The following SYNJ1 variants were observed in gnomAD, a reference collection of about 807,000 sequenced individuals.
SYNJ1 encodes the protein synaptojanin 1.
SYNJ1 carries 78 observed loss-of-function variants against 168.2 expected under a neutral mutation model. The observed-to-expected ratio is 0.46, with a 90% CI of 0.39 to 0.56. The LOEUF (loss-of-function observed/expected upper bound fraction) is 0.56, where lower values mean the gene tolerates loss of function less well. Ranked by LOEUF, SYNJ1 falls within the 20% of genes least tolerant of loss-of-function variation. The probability of loss-of-function intolerance (pLI) is 0.00; values close to 1 mark genes in which losing one functional copy is unlikely to be tolerated. For synonymous variants in SYNJ1, 539 were observed against 548.6 expected, an observed-to-expected ratio of 0.98 and a Z score of 0.24; for missense variants, 1,303 against 1,597.6, an observed-to-expected ratio of 0.82 and a Z score of 3.14.
In SYNJ1 at chr21:32,684,061, C is replaced by G; in HGVS notation, c.1177G>C (p.Val393Leu). ...CLDCLDRTNS[V>L]QAFLGLEMLA... is the part of the protein sequence containing the mutation. ...ACCTCTAAGCCAAGAAATGCCTGCA[C>G]ACTATTTGTTCTATCAAGACAATCC... is the stretch of plus-strand genomic sequence containing the variant. Residue 393 changes from valine to leucine, a missense_variant, in exon 10 of 33, where the codon GTG (valine) becomes CTG (leucine). Physicochemically the swap from Val to Leu is conservative, Grantham distance 32. This residue lies in a region of SYNJ1 where 920 missense variants were observed against 1,208.8 expected (regional missense o/e 0.76). Transcript: ENST00000674351. The G allele has an allele frequency of 6.2e-7, 1 of 1,613,582 alleles. No homozygotes were observed.
At chr21:32,669,532 T>G (rs1428028617) in intron 15 of SYNJ1, among the ~76,000 whole-genome samples, 1 of 152,162 alleles carries the variant, frequency 6.6e-6, no homozygotes, top group Non-Finnish European at 1.5e-5. Context: ...GACCAATACA[T>G]GATGTTACAA....
intron 3 of SYNJ1, among the ~76,000 whole-genome samples, chr21:32,701,409 CCTTAT>C (rs1019782322): frequency 9.9e-5 from 15 of 152,062 alleles, no homozygotes; most frequent in African/African-American, 3.6e-4. Flanking sequence ...AGTGCAAGCT[CCTTAT>C]CTTATCACGG....
intron 23 of SYNJ1, 90 bp downstream of exon 23, chr21:32,650,094 G>A (rs2040220655): frequency 2.1e-6 from 3 of 1,455,472 alleles, no homozygotes; most frequent in Non-Finnish European, 2.8e-6. Context: ...CCAAGAAGAA[G>A]AAGAAAGATG....
intron 2 of SYNJ1, among the ~76,000 whole-genome samples, chr21:32,717,567 C>T (rs2043069864): frequency 1.3e-5 from 2 of 152,176 alleles, no homozygotes; most frequent in Non-Finnish European, 2.9e-5. Flanking sequence ...TGCCCCTTTA[C>T]TGAAGCAGTA....
chr21:32,701,848 T>C (rs1897642331), intron 3 of SYNJ1, 113 bp downstream of exon 3: 6 of 712,020 alleles, frequency 8.4e-6, no homozygotes, highest in Non-Finnish European at 1.3e-5. Context: ...TGTTAGCACA[T>C]GTGTAGCTTA....
chr21:32,676,093 T>C (rs1371072456), intron 13 of SYNJ1, among the ~76,000 whole-genome samples: 6 of 152,222 alleles, frequency 3.9e-5, no homozygotes, highest in African/African-American at 9.6e-5. Flanking sequence ...TAACTGGAAT[T>C]AAGCAATTGC....
chr21:32,647,695 T>C (rs969651548), intron 23 of SYNJ1, among the ~76,000 whole-genome samples: 9 of 152,198 alleles, frequency 5.9e-5, no homozygotes, highest in Non-Finnish European at 1.3e-4. Context: ...TCTTCTTCCA[T>C]TGCACGTGCT....
chr21:32,679,456 G>A (rs998726586), intron 11 of SYNJ1, among the ~76,000 whole-genome samples: 3 of 152,078 alleles, frequency 2.0e-5, no homozygotes, highest in Non-Finnish European at 4.4e-5. Flanking sequence ...TTCCTATAGT[G>A]AGATTTGATT....
At chr21:32,727,882 C>A in intron 1 of SYNJ1, 64 bp downstream of exon 1, 1 of 1,526,466 alleles carries the variant, frequency 6.6e-7, no homozygotes, top group South Asian at 1.2e-5. Context: ...TTGGAGGCGT[C>A]CGCCCGCCCG....
In SYNJ1 at chr21:32,688,404, C is replaced by T. The variant is rs370313682; in HGVS notation, c.790-37G>A. On this transcript the variant is annotated intron_variant, in intron 6 of 32. Coordinates refer to ENST00000674351, the MANE Select transcript of SYNJ1 (RefSeq NM_203446.3). Reference sequence around the variant, plus strand: ...AAAATATATTTAATCAAACCAAAAACCAACATATAGACGAAAGAAATATCA... The same window carrying T: ...AAAATATATTTAATCAAACCAAAAATCAACATATAGACGAAAGAAATATCA... 4 of 1,573,184 alleles carry T rather than the reference C, an allele frequency of 2.5e-6. No individual in the cohort carries two copies. The African/African-American group carries it at 5.4e-5, about 21-fold the overall frequency.
chr21:32,718,829 G>C (rs2043115086), intron 2 of SYNJ1, among the ~76,000 whole-genome samples: 1 of 152,100 alleles, frequency 6.6e-6, no homozygotes, highest in Non-Finnish European at 1.5e-5. Flanking sequence ...TATGTTAATA[G>C]TTTGTAGGGA....
intron 1 of SYNJ1, among the ~76,000 whole-genome samples, chr21:32,727,375 A>AG (rs113640272): frequency 1.5e-3 from 236 of 152,270 alleles, no homozygotes; most frequent in Middle Eastern, 6.8e-3. Context: ...AAAGCTCCTT[A>AG]GGGGGCAGGA....
At chr21:32,646,882 A>G (rs2040095624) in intron 23 of SYNJ1, among the ~76,000 whole-genome samples, 1 of 152,176 alleles carries the variant, frequency 6.6e-6, no homozygotes, top group Non-Finnish European at 1.5e-5. Context: ...TATGCCCCAG[A>G]GCAGCTTCTC....
rs79433740 is a variant in SYNJ1 at position 32,695,251 on chromosome 21, A to G, written c.511T>C (p.Tyr171His). The change falls in exon 5 of 33, where the codon TAT (tyrosine) becomes CAT (histidine). Residue 171 changes from tyrosine (Y) to histidine (H), a missense_variant. Physicochemically the swap from Tyr to His is moderately conservative, Grantham distance 83. Coordinates refer to ENST00000674351, the MANE Select transcript of SYNJ1 (RefSeq NM_203446.3). ...AACCAGTCATCACAATTCACGCCAT[A>G]GTGTTTGAGATGCAAATGCAAAGAC... ...NQSLHLHLKHYGVNCDDWLLR... is the reference protein window; with the variant it reads ...NQSLHLHLKHHGVNCDDWLLR... 1 of 1,614,066 alleles carries G rather than the reference A, an allele frequency of 6.2e-7. No homozygotes were observed. Among genetic ancestry groups the G allele is most frequent in the African/African-American group, 1.3e-5 (1 of 75,058 alleles).
At chr21:32,641,874 C>T (rs764331959) in intron 29 of SYNJ1, 22 bp downstream of exon 29, 3 of 1,584,918 alleles carry the variant, frequency 1.9e-6, no homozygotes, top group Non-Finnish European at 2.6e-6. Context: ...GACCCCTTGG[C>T]CCCAGGCGAG....
intron 6 of SYNJ1, among the ~76,000 whole-genome samples, chr21:32,693,566 T>G (rs1208388204): frequency 1.3e-5 from 2 of 152,152 alleles, no homozygotes; most frequent in African/African-American, 4.8e-5. Context: ...AGCACCAAAC[T>G]TACTAGACTA....
At chr21:32,642,999 T>C (rs1338932136) in intron 27 of SYNJ1, among the ~76,000 whole-genome samples, 1 of 152,340 alleles carries the variant, frequency 6.6e-6, no homozygotes, top group South Asian at 2.1e-4. Flanking sequence ...AACTACAAAA[T>C]ACTATATTCT....
At chr21:32,681,893 A>G (rs982004423) in intron 10 of SYNJ1, among the ~76,000 whole-genome samples, 2 of 152,182 alleles carry the variant, frequency 1.3e-5, no homozygotes, top group Non-Finnish European at 2.9e-5. Flanking sequence ...GATAAAATTT[A>G]TCTTATTAAA....
intron 6 of SYNJ1, 66 bp downstream of exon 6, chr21:32,694,162 T>C: frequency 2.6e-6 from 3 of 1,156,392 alleles, no homozygotes; most frequent in South Asian, 3.6e-5. Context: ...TAATAAACTA[T>C]CCAGAAAGTT....
Sources: gnomAD v4.1 joint callset for allele counts (sites outside exome capture counted in the v4.1 genomes callset) on GRCh38, gnomAD v4.1.1 for gene constraint, gnomAD v4.1.1 regional missense constraint, MANE v1.5 for transcripts, NCBI Gene and HGNC (gene_info 2026-07-23, HGNC 2026-07-21) for gene names.